Variants in GRIPAP1 observed in about 807,000 individuals in gnomAD.
GRIPAP1 encodes the protein GRIP1-associated protein 1.
A neutral mutation model predicts 84.1 loss-of-function variants in GRIPAP1; 14 were observed. The ratio of observed to expected loss-of-function variants is 0.17; its 90% CI spans 0.11 to 0.26. GRIPAP1 has a LOEUF of 0.26. Among genes scored for constraint, GRIPAP1 ranks in the 10% least tolerant of loss-of-function variants. GRIPAP1 has a pLI of 1.00. For missense variants in GRIPAP1, 518 were observed against 674.2 expected, an observed-to-expected ratio of 0.77 and a Z score of 2.57; for synonymous variants, 261 against 256.8, an observed-to-expected ratio of 1.02 and a Z score of -0.15.
At chrX:48,996,075 G>A (rs1459488763) in intron 5 of GRIPAP1, among the ~76,000 whole-genome samples, 2 of 111,395 alleles carry the variant, frequency 1.8e-5, no homozygotes, top group African/African-American at 6.5e-5. Context: ...TTATTATCAT[G>A]ACTTCCATTT....
At chrX:48,983,577 T>C (rs1216419483) in intron 15 of GRIPAP1, 137 bp from the exon 16 acceptor site, 5 of 550,898 alleles carry the variant, frequency 9.1e-6, no homozygotes, top group Admixed American at 3.1e-5. Context: ...CACTCACCCA[T>C]CCTTATAGAA....
intron 1 of GRIPAP1, among the ~76,000 whole-genome samples, chrX:49,001,395 T>G (rs2064579249): frequency 1.1e-5 from 1 of 88,594 alleles, no homozygotes. Context: ...CAAGGGCCCA[T>G]TCATAGTGCA....
At position 48,981,636 on chromosome X, in the gene GRIPAP1, T is replaced by G. The variant is rs35608115; in HGVS notation, c.1733A>C (p.Glu578Ala). The change falls in exon 19 of 26, where the codon GAG becomes GCG. Residue 578 changes from glutamate (E) to alanine (A), a missense_variant. Glu to Ala is a moderately radical substitution (Grantham distance 107). Transcript: ENST00000376423. ...VRDQLEQAQE[E>A]RDCHLKTISS... ...AATGGTCTTCAGGTGGCAGTCCCGC[T>G]CCTCCTGGGCCTGCTCGAGCTGATC... is the stretch of plus-strand genomic sequence containing the variant. 8.2e-3 allele frequency: 9,944 copies of G among 1,207,156 alleles called. 36 individuals are homozygous for G. Among genetic ancestry groups the G allele is most frequent in the Middle Eastern group, 0.012 (52 of 4,343 alleles).
Position 48,988,016 on chromosome X carries a change from C to G in GRIPAP1, c.948+105G>C. 4.6e-6 allele frequency: 3 copies of G among 651,917 alleles called. No individual in the cohort carries two copies. The Admixed American group carries it at 8.2e-5, about 18-fold the overall frequency. The allele number at this position is 651,917 out of a possible 1,213,427, so 53.7% of individuals were successfully genotyped here. ...ACACACACACACACACACACGAAGG[C>G]CTGGGGGAAGCAGGATCCCTGGGAC... On this transcript the variant is annotated intron_variant, in intron 12 of 25. Transcript: ENST00000376423.
chrX:48,992,156 C>T (rs2064524105), intron 6 of GRIPAP1, among the ~76,000 whole-genome samples: 1 of 111,422 alleles, frequency 9.0e-6, no homozygotes, highest in African/African-American at 3.3e-5. Context: ...CAGGCATTTG[C>T]CATCAAACCT....
intron 12 of GRIPAP1, 75 bp from the exon 13 acceptor site, chrX:48,987,952 A>G: frequency 2.2e-6 from 1 of 447,924 alleles, no homozygotes; most frequent in South Asian, 3.0e-5. Flanking sequence ...CAAGAAAGAA[A>G]GGACACACAC....
intron 1 of GRIPAP1, 102 bp downstream of exon 1, chrX:49,002,086 G>A (rs1405785219): frequency 2.0e-6 from 1 of 505,938 alleles, no homozygotes; most frequent in African/African-American, 2.4e-5. Flanking sequence ...CATAAACTCA[G>A]GGTCCATCCC....
chrX:48,990,569 T>G (rs2064514385), intron 8 of GRIPAP1, 116 bp downstream of exon 8: 2 of 557,434 alleles, frequency 3.6e-6, no homozygotes, highest in Non-Finnish European at 6.0e-6. Context: ...ATTTCACAGA[T>G]GATGAAACCT....
chrX:48,981,902 G>A (rs2064459900), intron 17 of GRIPAP1, 30 bp from the exon 18 acceptor site: 1 of 1,055,315 alleles, frequency 9.5e-7, no homozygotes, highest in Non-Finnish European at 1.3e-6. Context: ...TCTGGCCACA[G>A]CCCCCCAGAA....
intron 25 of GRIPAP1, 42 bp from the exon 26 acceptor site, chrX:48,974,327 G>A: frequency 4.4e-6 from 4 of 905,611 alleles, no homozygotes; most frequent in Non-Finnish European, 6.4e-6. Context: ...GAAGGGGACA[G>A]GCTGCTCCCT....
intron 21 of GRIPAP1, 128 bp from the exon 22 acceptor site, chrX:48,978,563 A>G: frequency 1.7e-6 from 1 of 577,074 alleles, no homozygotes; most frequent in Non-Finnish European, 2.6e-6. Context: ...GGGGAAAGGC[A>G]GAAGCAGACA....
chrX:48,976,450 G>A, intron 22 of GRIPAP1, 87 bp from the exon 23 acceptor site: 1 of 1,054,444 alleles, frequency 9.5e-7, no homozygotes, highest in Non-Finnish European at 1.3e-6. Context: ...GGAGAACCAG[G>A]CCAGAGGTGG....
intron 5 of GRIPAP1, among the ~76,000 whole-genome samples, chrX:48,994,834 G>A: frequency 8.9e-6 from 1 of 111,936 alleles, no homozygotes; most frequent in Non-Finnish European, 1.9e-5. Context: ...TCATCTGTCA[G>A]ATAGGGATAC....
chrX:48,982,376 C>A (rs934221993), intron 17 of GRIPAP1, among the ~76,000 whole-genome samples: 1 of 112,280 alleles, frequency 8.9e-6, no homozygotes, highest in Non-Finnish European at 1.9e-5. Context: ...CAGAAAATGG[C>A]AACAAAGGTT....
chrX:48,976,410 C>T (rs1557060542), intron 22 of GRIPAP1, 47 bp from the exon 23 acceptor site: 12 of 1,165,914 alleles, frequency 1.0e-5, no homozygotes, highest in South Asian at 2.0e-5. Context: ...TCAGCACCAC[C>T]GACCCCAGAC....
intron 13 of GRIPAP1, among the ~76,000 whole-genome samples, chrX:48,985,973 T>G (rs1438287268): frequency 9.0e-6 from 1 of 111,053 alleles, no homozygotes; most frequent in African/African-American, 3.3e-5. Context: ...CCGGGCGCGG[T>G]GGCTCATGCC....
At chrX:48,997,217 C>T (rs781966230) in intron 5 of GRIPAP1, 33 bp downstream of exon 5, 2 of 804,487 alleles carry the variant, frequency 2.5e-6, no homozygotes, top group Non-Finnish European at 3.7e-6. Context: ...CCCTACCCCT[C>T]ATTTCCCCTT....
At chrX:48,977,627 G>A (rs781898514) in intron 22 of GRIPAP1, 1 of 111,518 alleles carries the variant, frequency 9.0e-6, no homozygotes, top group African/African-American at 3.3e-5. Context: ...GCCCAGCCCT[G>A]AACTAAGAAT....
At chrX:48,994,461 T>C (rs1274020095) in intron 5 of GRIPAP1, among the ~76,000 whole-genome samples, 1 of 110,742 alleles carries the variant, frequency 9.0e-6, no homozygotes, top group African/African-American at 3.3e-5. Context: ...TGACCTCAGG[T>C]GATCCACCTG....
Sources: gnomAD v4.1 joint callset for allele counts (sites outside exome capture counted in the v4.1 genomes callset) on GRCh38, gnomAD v4.1.1 for gene constraint, MANE v1.5 for transcripts, NCBI Gene and HGNC (gene_info 2026-07-23, HGNC 2026-07-21) for gene names.